The following EIF3A variants were observed in gnomAD, a reference collection of about 807,000 sequenced individuals.
The protein encoded by EIF3A is EIF3, p180 subunit.
In EIF3A, 21 loss-of-function variants were observed where a neutral mutation model predicts 186.6. The observed-to-expected ratio is 0.11, with a 90% confidence interval of 0.08 to 0.16. The LOEUF (loss-of-function observed/expected upper bound fraction) is 0.16. EIF3A is among the 10% of genes least tolerant of loss of function. The probability of loss-of-function intolerance (pLI) is 1.00; values close to 1 mark genes in which losing one functional copy is unlikely to be tolerated. For synonymous variants in EIF3A, 563 were observed against 584.3 expected, an observed-to-expected ratio of 0.96 and a Z score of 0.52; for missense variants, 1,306 against 1,796.3, an observed-to-expected ratio of 0.73 and a Z score of 4.93.
rs1848124034 is a variant in EIF3A at position 119,036,060 on chromosome 10, T to C, written c.4128A>G (p.Gly1376=). The change falls in exon 22 of 22, where the codon GGA becomes GGG. Residue 1376 remains glycine, a synonymous_variant. Coordinates refer to ENST00000369144, the MANE Select transcript of EIF3A (RefSeq NM_003750.4). The part of the protein sequence containing the change: ...RRTKNETDED[G]WTTVRR ...AGACTTAACGTCGTACTGTGGTCCA[T>C]CCATCTTCATCAGTCTCATTTTTAG... is the stretch of plus-strand genomic sequence containing the variant. 2 of 1,613,682 alleles carry C rather than the reference T, an allele frequency of 1.2e-6. No individual in the cohort carries two copies. The highest frequency in any genetic ancestry group is 1.7e-6 in the Non-Finnish European group (2 of 1,179,570).
chr10:119,046,885 A>C (rs1848288756), intron 17 of EIF3A, among the ~76,000 whole-genome samples: 1 of 152,118 alleles, frequency 6.6e-6, no homozygotes, highest in Admixed American at 6.6e-5. Flanking sequence ...TGAACCTGGA[A>C]GGTGGAGGCT....
chr10:119,070,955 C>G lies in EIF3A; in HGVS notation c.672G>C (p.Glu224Asp). 1 of 1,613,964 alleles carries G rather than the reference C, an allele frequency of 6.2e-7. No homozygotes were observed. Among genetic ancestry groups the G allele is most frequent in the Non-Finnish European group, 8.5e-7 (1 of 1,179,834 alleles). ...TGGTTTCCAAATGCATGGACTGGCT[C>G]TCTGGATTATTAAGATTGATTGCCG... ...QSTAINLNNP[E>D]SQSMHLETRL... The change falls in exon 5 of 22, where the codon GAG becomes GAC. Residue 224 changes from glutamate to aspartate, a missense_variant. Transcript: ENST00000369144.
chr10:119,037,365 T>C lies in EIF3A; in HGVS notation c.3729-56A>G, dbSNP rs1037068724. ...CTTACTGTTAGACCAAATGGATAAT[T>C]ATAAGTACATCCAGTCCAAGCTGGG... On this transcript the variant is annotated intron_variant, in intron 20 of 21. Coordinates refer to ENST00000369144, the MANE Select transcript of EIF3A (RefSeq NM_003750.4). 1.3e-5 allele frequency: 19 copies of C among 1,473,180 alleles called. 1 individual carries two copies. The highest frequency in any genetic ancestry group is 9.1e-5 in the East Asian group (4 of 43,820). 91.3% of individuals were successfully genotyped at this position (1,473,180 alleles called of 1,614,324 possible). A position where few individuals can be genotyped will look rare whatever the true frequency, so the allele number is the denominator to read the frequency against.
rs778067407 is a variant in EIF3A, at chr10:119,059,417, A to G, written c.1444-20T>C. On this transcript the variant is annotated intron_variant, in intron 10 of 21. Transcript: ENST00000369144. ...ACGAACCTTTGAAAATTAAATTATC[A>G]ATGGTTAAATCCACAAGTAAGCATG... The G allele has an allele frequency of 1.5e-5, 23 of 1,514,466 alleles. No homozygotes were observed. The highest frequency in any genetic ancestry group is 2.0e-5 in the Non-Finnish European group (22 of 1,119,582). 93.8% of individuals were successfully genotyped at this position (1,514,466 alleles called of 1,614,324 possible). A position where few individuals can be genotyped will look rare whatever the true frequency, so the allele number is the denominator to read the frequency against.
rs1196990761 is a variant in EIF3A, at chr10:119,035,135, T to C, written c.*904A>G. 6.6e-6 allele frequency: 1 copy of C among 152,448 alleles called. No homozygotes were observed. The highest frequency in any genetic ancestry group is 2.4e-5 in the African/African-American group (1 of 41,396). The allele number at this position is 152,448 out of a possible 1,614,324, so 9.4% of individuals were successfully genotyped here. A position where few individuals can be genotyped will look rare whatever the true frequency, so the allele number is the denominator to read the frequency against. ...GAGACCAAATAGTTCATCTTTAACA[T>C]AGCTACTGCGCTCCAAAATTGAAGT... On this transcript the variant is annotated 3_prime_UTR_variant, in exon 22 of 22. Coordinates refer to ENST00000369144, the MANE Select transcript of EIF3A (RefSeq NM_003750.4).
rs565922 is a variant in EIF3A at position 119,043,923 on chromosome 10, C to T, written c.2747+131G>A. 258,409 of 703,020 alleles carry T rather than the reference C, an allele frequency of 0.37. 49,721 individuals are homozygous for T. Among genetic ancestry groups the T allele is most frequent in the Non-Finnish European group, 0.41 (163,512 of 402,912 alleles). 43.5% of individuals were successfully genotyped at this position (703,020 alleles called of 1,614,324 possible). A position where few individuals can be genotyped will look rare whatever the true frequency, so the allele number is the denominator to read the frequency against. On this transcript the variant is annotated intron_variant, in intron 18 of 21. Coordinates refer to ENST00000369144, the MANE Select transcript of EIF3A (RefSeq NM_003750.4). ...CAAAAAAACAAAATACAAACCCACA[C>T]GCAATCAGACATGCACACAATTCTT...
In EIF3A at chr10:119,035,536, CTAAATT is replaced by C. The variant is rs1848115897; in HGVS notation, c.*497_*502del. Reference sequence around the variant, plus strand: ...TACTTCAAGTGAATCTAAAAAATTTCTAAATTTAGTTTATGGTAAATACCTCAAAAT... The same window carrying C: ...TACTTCAAGTGAATCTAAAAAATTTCTAGTTTATGGTAAATACCTCAAAAT... On this transcript the variant is annotated 3_prime_UTR_variant, in exon 22 of 22. Coordinates refer to ENST00000369144, the MANE Select transcript of EIF3A (RefSeq NM_003750.4). 6.6e-6 allele frequency: 1 copy of C among 152,316 alleles called. No individual in the cohort carries two copies. The highest frequency in any genetic ancestry group is 1.5e-5 in the Non-Finnish European group (1 of 68,134). The allele number at this position is 152,316 out of a possible 1,614,324, so 9.4% of individuals were successfully genotyped here.
In EIF3A at chr10:119,059,722, C is replaced by T; in HGVS notation, c.1327-4G>A. ...TGCTCTGATAAATCTGTGACACCTG[C>T]ATAGAAAACAAAGGGTTAATAACAC... On this transcript the variant is annotated splice_region_variant and splice_polypyrimidine_tract_variant and intron_variant, in intron 9 of 21. Coordinates refer to ENST00000369144, the MANE Select transcript of EIF3A (RefSeq NM_003750.4). 6.3e-7 allele frequency: 1 copy of T among 1,593,388 alleles called. No homozygotes were observed. Among genetic ancestry groups the T allele is most frequent in the Non-Finnish European group, 8.6e-7 (1 of 1,161,160 alleles).
chr10:119,038,608 CAGTATCTT>C (rs1848167577), intron 19 of EIF3A, among the ~76,000 whole-genome samples, 169 bp from the exon 20 acceptor site: 1 of 152,124 alleles, frequency 6.6e-6, no homozygotes. Flanking sequence ...ACATCATTAA[CAGTATCTT>C]AAACTTATAT....
In EIF3A at chr10:119,037,194, C is replaced by A; in HGVS notation, c.3844G>T (p.Asp1282Tyr). 6.2e-7 allele frequency: 1 copy of A among 1,613,794 alleles called. No individual in the cohort carries two copies. The highest frequency in any genetic ancestry group is 8.5e-7 in the Non-Finnish European group (1 of 1,179,972). The change falls in exon 21 of 22, where the codon GAT becomes TAT. Residue 1282 changes from aspartate to tyrosine, a missense_variant. Asp to Tyr is a radical substitution (Grantham distance 160, BLOSUM62 -3). This residue lies in a region of EIF3A where 331 missense variants were observed against 365.8 expected (regional missense o/e 0.90). Coordinates refer to ENST00000369144, the MANE Select transcript of EIF3A (RefSeq NM_003750.4). ...CTTAGATCTCGTCTTTCTCTTAGAT[C>A]ACGCCGGTCATCCCTCTCACGGCGA... Reference protein sequence around the residue: ...DRRRERDDRRDLRERRDLRDD... With the variant: ...DRRRERDDRRYLRERRDLRDD...
intron 11 of EIF3A, 101 bp from the exon 12 acceptor site, chr10:119,058,404 T>A (rs1428600677): frequency 3.8e-6 from 3 of 784,656 alleles, no homozygotes; most frequent in Non-Finnish European, 4.0e-6. Flanking sequence ...TGCCTTTCTA[T>A]GTATCTGCAT....
rs751156238 is a variant in EIF3A, at chr10:119,049,934, C to T, written c.2525G>A (p.Arg842Gln). 5.6e-6 allele frequency: 9 copies of T among 1,614,014 alleles called. No individual in the cohort carries two copies. Among genetic ancestry groups the T allele is most frequent in the East Asian group, 4.5e-5 (2 of 44,892 alleles). Residue 842 changes from arginine (R) to glutamine (Q), a missense_variant, in exon 17 of 22, where the codon CGA becomes CAA. Arg to Gln is a conservative substitution (Grantham distance 43, BLOSUM62 1). Coordinates refer to ENST00000369144, the MANE Select transcript of EIF3A (RefSeq NM_003750.4). Reference protein sequence around the residue: ...AERAKREEELREYQERVKKLE... With the variant: ...AERAKREEELQEYQERVKKLE... Reference sequence around the variant, plus strand: ...TTTCTTCACCCGCTCCTGATACTCTCGTAGCTCTTCCTCGCGTTTTGCTCG... The same window carrying T: ...TTTCTTCACCCGCTCCTGATACTCTTGTAGCTCTTCCTCGCGTTTTGCTCG...
chr10:119,060,155 A>G (rs1564755507), intron 9 of EIF3A: 1 of 499,586 alleles, frequency 2.0e-6, no homozygotes, highest in Admixed American at 2.3e-5. Flanking sequence ...TGAGATGAAA[A>G]TATAATAAAA....
chr10:119,052,368 T>TTGTGTGTGTGTGTGTGTGTGTGTGTGTG (rs61029991), intron 14 of EIF3A, among the ~76,000 whole-genome samples: 1,429 of 122,974 alleles, frequency 0.012, 87 homozygotes, highest in East Asian at 0.02. Context: ...TTTTTTGGTT[T>TTGTGTGTGTGTGTGTGTGTGTGTGTGTG]TGTGTGTGTG....
At chr10:119,068,738 G>A (rs952649886) in intron 6 of EIF3A, among the ~76,000 whole-genome samples, 1 of 152,016 alleles carries the variant, frequency 6.6e-6, no homozygotes, top group African/African-American at 2.4e-5. Flanking sequence ...CACTTTGGGA[G>A]GCAGAGGCAG....
At chr10:119,074,990 T>TC (rs918364985) in intron 1 of EIF3A, among the ~76,000 whole-genome samples, 2 of 146,256 alleles carry the variant, frequency 1.4e-5, no homozygotes, top group African/African-American at 2.5e-5. Flanking sequence ...TTTTCTTTTT[T>TC]TTTTTTTTTG....
intron 5 of EIF3A, among the ~76,000 whole-genome samples, chr10:119,070,521 GCTA>G (rs887328444): frequency 6.6e-6 from 1 of 151,620 alleles, no homozygotes; most frequent in African/African-American, 2.4e-5. Context: ...CAATAAAATT[GCTA>G]CTAAGAAACT....
intron 9 of EIF3A, among the ~76,000 whole-genome samples, chr10:119,060,347 T>C (rs1320617026): frequency 2.0e-5 from 3 of 152,204 alleles, no homozygotes; most frequent in Non-Finnish European, 4.4e-5. Flanking sequence ...ATTCCACTTC[T>C]TATGCCACAG....
chr10:119,056,985 T>C lies in EIF3A; in HGVS notation c.2033A>G (p.Glu678Gly), dbSNP rs1843793879. 6.2e-7 allele frequency: 1 copy of C among 1,613,226 alleles called. No individual in the cohort carries two copies. The change falls in exon 13 of 22, where the codon GAG (glutamate) becomes GGG (glycine). Residue 678 changes from glutamate to glycine, a missense_variant. Glu to Gly is a moderately conservative substitution (Grantham distance 98). Coordinates refer to ENST00000369144, the MANE Select transcript of EIF3A (RefSeq NM_003750.4). ...TTCTTGAAGTTCTTTCTTTTCTTTC[T>C]CCAGTTGTTCAACCTGTTTAGCCAT... ...FIMAKQVEQL[E>G]KEKKELQERL...
Sources: gnomAD v4.1 joint callset for allele counts (sites outside exome capture counted in the v4.1 genomes callset) on GRCh38, gnomAD v4.1.1 for gene constraint, gnomAD v4.1.1 regional missense constraint, MANE v1.5 for transcripts, NCBI Gene and HGNC (gene_info 2026-07-23, HGNC 2026-07-21) for gene names.